HDAC11: variants seen among roughly 807,000 people sequenced by gnomAD.
The protein encoded by HDAC11 is histone deacetylase 11.
HDAC11 carries 23 observed loss-of-function variants against 41.1 expected under a neutral mutation model. The ratio of observed to expected loss-of-function variants is 0.56; its 90% CI spans 0.40 to 0.79. The LOEUF (loss-of-function observed/expected upper bound fraction) is 0.79, where lower values mean the gene tolerates loss of function less well. HDAC11 is among the 30% of genes least tolerant of loss of function. The pLI is 0.00. For synonymous variants in HDAC11, 187 were observed against 186.6 expected (o/e 1.00, Z -0.02); for missense variants, 402 against 477.3 (o/e 0.84, Z 1.47).
chr3:13,497,017 C>G (rs1450982139), intron 4 of HDAC11, among the ~76,000 whole-genome samples, 165 bp downstream of exon 4: 2 of 152,144 alleles, frequency 1.3e-5, no homozygotes, highest in African/African-American at 4.8e-5. Flanking sequence ...AGCCTTTTTT[C>G]CCCATCTTGG....
intron 2 of HDAC11, among the ~76,000 whole-genome samples, chr3:13,482,599 A>G (rs1318057407): frequency 6.6e-6 from 1 of 152,206 alleles, no homozygotes; most frequent in East Asian, 1.9e-4. Context: ...CTTGGGCAAC[A>G]TAGCAAGATC....
intron 5 of HDAC11, among the ~76,000 whole-genome samples, chr3:13,499,614 G>C (rs1191915273): frequency 1.3e-5 from 2 of 152,172 alleles, no homozygotes; most frequent in Non-Finnish European, 2.9e-5. Context: ...ACTCTGCAGG[G>C]GAGAGTCCAC....
At chr3:13,488,921 G>GT (rs61601998) in intron 3 of HDAC11, among the ~76,000 whole-genome samples, 59 of 146,584 alleles carry the variant, frequency 4.0e-4, no homozygotes, top group East Asian at 3.9e-4. Flanking sequence ...ATTTTCTGGT[G>GT]TTTTTTTTTT....
intron 3 of HDAC11, among the ~76,000 whole-genome samples, chr3:13,486,286 A>G (rs1019742485): frequency 2.0e-5 from 3 of 150,380 alleles, no homozygotes; most frequent in African/African-American, 4.9e-5. Context: ...AAAAAAAAAA[A>G]AAAGAAAAAG....
intron 3 of HDAC11, among the ~76,000 whole-genome samples, chr3:13,484,043 C>T (rs1037548532): frequency 3.3e-5 from 5 of 152,130 alleles, no homozygotes; most frequent in African/African-American, 4.8e-5. Flanking sequence ...TTGCAACCTC[C>T]GCCTTCCGGG....
At chr3:13,491,486 G>C (rs2125004721) in intron 3 of HDAC11, among the ~76,000 whole-genome samples, 1 of 152,118 alleles carries the variant, frequency 6.6e-6, no homozygotes, top group South Asian at 2.1e-4. Flanking sequence ...CTCTGCTTTT[G>C]CTCCCCTTCT....
chr3:13,490,817 C>G (rs1701825430), intron 3 of HDAC11, among the ~76,000 whole-genome samples: 1 of 119,824 alleles, frequency 8.3e-6, no homozygotes, highest in Non-Finnish European at 1.6e-5. Flanking sequence ...GTGGCATGAT[C>G]TCGGCTCACT....
At position 13,504,174 on chromosome 3, in the gene HDAC11, A is replaced by C. The variant is rs1235016021; in HGVS notation, c.730A>C (p.Lys244Gln). The C allele has an allele frequency of 6.2e-7, 1 of 1,613,924 alleles. No individual in the cohort carries two copies. The highest frequency in any genetic ancestry group is 2.2e-5 in the East Asian group (1 of 44,892). Reference sequence around the variant, plus strand: ...GGATAAGGTGGAGAGGAACATCAAGAAATCCCTCCAGGAGCACCTGCCCGA... The same window carrying C: ...GGATAAGGTGGAGAGGAACATCAAGCAATCCCTCCAGGAGCACCTGCCCGA... ...YLDKVERNIK[K>Q]SLQEHLPDVV... Residue 244 changes from lysine to glutamine, a missense_variant, in exon 9 of 10, where the codon AAA becomes CAA. Lys to Gln is a moderately conservative substitution (Grantham distance 53). Coordinates refer to ENST00000295757, the MANE Select transcript of HDAC11 (RefSeq NM_024827.4).
intron 3 of HDAC11, among the ~76,000 whole-genome samples, chr3:13,484,255 C>T (rs1701458344): frequency 6.6e-6 from 1 of 152,228 alleles, no homozygotes; most frequent in African/African-American, 2.4e-5. Context: ...TGAGCCACCG[C>T]ACCCACCCTA....
intron 3 of HDAC11, among the ~76,000 whole-genome samples, chr3:13,492,230 C>T (rs1300945457): frequency 6.6e-6 from 1 of 152,204 alleles, no homozygotes; most frequent in Non-Finnish European, 1.5e-5. Context: ...AGCATGTGGC[C>T]TGGCTGTTAC....
At chr3:13,493,986 A>C (rs961175116) in intron 3 of HDAC11, among the ~76,000 whole-genome samples, 1 of 152,108 alleles carries the variant, frequency 6.6e-6, no homozygotes, top group South Asian at 2.1e-4. Flanking sequence ...ATCTGGGGGG[A>C]GCAAAGTTAG....
chr3:13,501,584 C>A (rs1003714701), intron 6 of HDAC11: 3 of 655,940 alleles, frequency 4.6e-6, no homozygotes, highest in South Asian at 4.5e-5. Flanking sequence ...CTGGGAAAAT[C>A]CAGGGCCTGA....
chr3:13,493,822 GCTGCACCTGGCCC>G (rs1701971832), intron 3 of HDAC11, among the ~76,000 whole-genome samples: 1 of 152,230 alleles, frequency 6.6e-6, no homozygotes, highest in African/African-American at 2.4e-5. Context: ...CTCCTGGGTG[GCTGCACCTGGCCC>G]CTGCACCAGG....
At chr3:13,488,841 G>A (rs948349273) in intron 3 of HDAC11, among the ~76,000 whole-genome samples, 7 of 152,022 alleles carry the variant, frequency 4.6e-5, no homozygotes, top group Non-Finnish European at 7.4e-5. Context: ...TGATCTCCAC[G>A]GGGGCTGCAC....
At position 13,500,807 on chromosome 3, in the gene HDAC11, T is replaced by C. The variant is rs1702327839; in HGVS notation, c.489+18T>C. 2.0e-6 allele frequency: 3 copies of C among 1,511,386 alleles called. No homozygotes were observed. Among genetic ancestry groups the C allele is most frequent in the South Asian group, 2.5e-5 (2 of 78,762 alleles). The allele number at this position is 1,511,386 out of a possible 1,614,324, so 93.6% of individuals were successfully genotyped here. On this transcript the variant is annotated intron_variant, in intron 6 of 9. Transcript: ENST00000295757. ...CCATCAAGGTGTGTCTATGAGCAAG[T>C]GGGGTCTCGCCTCCAAGAGCCCTCC...
intron 3 of HDAC11, among the ~76,000 whole-genome samples, chr3:13,486,605 A>G (rs1193444199): frequency 1.5e-5 from 2 of 129,628 alleles, no homozygotes; most frequent in Non-Finnish European, 3.1e-5. Flanking sequence ...TGGAGAAGGA[A>G]TCTCGCTTTG....
At chr3:13,493,362 A>G (rs1018028536) in intron 3 of HDAC11, among the ~76,000 whole-genome samples, 1 of 150,638 alleles carries the variant, frequency 6.6e-6, no homozygotes, top group Non-Finnish European at 1.5e-5. Flanking sequence ...CGCCCCACCC[A>G]CTCTGTTTAT....
At chr3:13,481,150 G>A in intron 1 of HDAC11, 96 bp from the exon 2 acceptor site, 2 of 1,323,274 alleles carry the variant, frequency 1.5e-6, no homozygotes, top group Non-Finnish European at 2.1e-6. Flanking sequence ...AGTGGTGCTG[G>A]GCAATGGCTG....
chr3:13,481,224 T>C, intron 1 of HDAC11, 22 bp from the exon 2 acceptor site: 10 of 1,608,164 alleles, frequency 6.2e-6, no homozygotes, highest in Non-Finnish European at 8.5e-6. Context: ...CAGCTGTGCG[T>C]CTGTCTTTTT....
Sources: gnomAD v4.1 joint callset for allele counts (sites outside exome capture counted in the v4.1 genomes callset) on GRCh38, gnomAD v4.1.1 for gene constraint, MANE v1.5 for transcripts, NCBI Gene and HGNC (gene_info 2026-07-23, HGNC 2026-07-21) for gene names.